The following TGFBRAP1 variants were observed in gnomAD, a reference collection of about 807,000 sequenced individuals.
TGFBRAP1 encodes transforming growth factor-beta receptor-associated protein 1.
TGFBRAP1 carries 20 observed loss-of-function variants against 83.2 expected under a neutral mutation model. That is an observed-to-expected ratio of 0.24 (90% CI 0.17 to 0.35). The LOEUF is 0.35. Among genes scored for constraint, TGFBRAP1 ranks in the 10% least tolerant of loss-of-function variants. TGFBRAP1 has a pLI of 1.00. For synonymous variants in TGFBRAP1, 415 were observed against 459.8 expected, an observed-to-expected ratio of 0.90 and a Z score of 1.25; for missense variants, 950 against 1,099.4, an observed-to-expected ratio of 0.86 and a Z score of 1.92.
At chr2:105,286,049 T>C (rs1025718344) in intron 4 of TGFBRAP1, among the ~76,000 whole-genome samples, 2 of 152,168 alleles carry the variant, frequency 1.3e-5, no homozygotes, top group Non-Finnish European at 2.9e-5. Context: ...CCAGGCTTGT[T>C]GAGGAGAAAT....
rs140062443 is a variant in TGFBRAP1, at chr2:105,293,766, TC to T, written c.1038+2589del. On this transcript the variant is annotated intron_variant, in intron 4 of 11. Coordinates refer to ENST00000393359, the MANE Select transcript of TGFBRAP1 (RefSeq NM_004257.6). ...AACCCCGTGCTGCCAATCCATTATATCACAGCTCTGCTGGAAGGCCAGTTGG... is the reference window on the plus strand; with the variant it reads ...AACCCCGTGCTGCCAATCCATTATATACAGCTCTGCTGGAAGGCCAGTTGG... Among the ~76,000 whole-genome samples the T allele has an allele frequency of 3.1e-4, 47 of 152,336 alleles. 2 individuals carry two copies. In the East Asian group the frequency reaches 8.7e-3, roughly 28 times the overall value.
intron 1 of TGFBRAP1, 25 bp from the exon 2 acceptor site, chr2:105,308,343 T>C: frequency 6.4e-7 from 1 of 1,554,790 alleles, no homozygotes; most frequent in Non-Finnish European, 8.7e-7. Flanking sequence ...GGAAAACTAA[T>C]TTTAGAGGAA....
chr2:105,253,263 G>A, the TGFBRAP1 span, among the ~76,000 whole-genome samples: 49 of 152,268 alleles, frequency 3.2e-4, no homozygotes, highest in Non-Finnish European at 6.2e-4. Context: ...CTCCCGAGTA[G>A]GTGGGATTAC....
the TGFBRAP1 span, among the ~76,000 whole-genome samples, chr2:105,255,023 A>G: frequency 6.6e-6 from 1 of 152,286 alleles, no homozygotes; most frequent in South Asian, 2.1e-4. Flanking sequence ...AGTCTGTGGT[A>G]TTTTGTTACA....
At chr2:105,280,352 C>T (rs1313636956) in intron 6 of TGFBRAP1, 30 bp downstream of exon 6, 1 of 1,594,658 alleles carries the variant, frequency 6.3e-7, no homozygotes, top group Non-Finnish European at 8.6e-7. Context: ...GGGCGGGAAG[C>T]CCTGATCATA....
chr2:105,318,814 C>T (rs1678967026), intron 1 of TGFBRAP1, among the ~76,000 whole-genome samples: 1 of 152,150 alleles, frequency 6.6e-6, no homozygotes, highest in Admixed American at 6.5e-5. Context: ...GAACACCCTG[C>T]CCCATGGGCG....
In TGFBRAP1 at chr2:105,280,412, T is replaced by A. The variant is rs749732544; in HGVS notation, c.1433A>T (p.Asp478Val). 1 of 1,614,054 alleles carries A rather than the reference T, an allele frequency of 6.2e-7. No homozygotes were observed. Among genetic ancestry groups the A allele is most frequent in the Non-Finnish European group, 8.5e-7 (1 of 1,179,996 alleles). ...GTGCTTCTCTAGCCAGGCAGCACTG[T>A]CCGTCAGAAGACAGAAGTTCTCAGT... ...LVTENFCLLTDSAAWLEKHKK... is the reference protein window; with the variant it reads ...LVTENFCLLTVSAAWLEKHKK... Residue 478 changes from aspartate to valine, a missense_variant, in exon 6 of 12, where the codon GAC (aspartate) becomes GTC (valine). Asp to Val is a radical substitution (Grantham distance 152). Coordinates refer to ENST00000393359, the MANE Select transcript of TGFBRAP1 (RefSeq NM_004257.6).
chr2:105,301,567 A>G (rs1262075924), intron 2 of TGFBRAP1, among the ~76,000 whole-genome samples: 2 of 152,146 alleles, frequency 1.3e-5, no homozygotes, highest in East Asian at 3.8e-4. Flanking sequence ...AGCTTGGGCA[A>G]CAGAGCTAGA....
intron 2 of TGFBRAP1, among the ~76,000 whole-genome samples, chr2:105,301,804 T>C (rs1218963582): frequency 6.6e-6 from 1 of 152,078 alleles, no homozygotes; most frequent in Non-Finnish European, 1.5e-5. Flanking sequence ...ACAGGCACAA[T>C]TACAGAGCAA....
Position 105,294,576 on chromosome 2 carries a change from A to C in TGFBRAP1, c.1038+1780T>G, listed in dbSNP as rs1482214004. Among the ~76,000 whole-genome samples, 4 of 152,238 alleles carry C rather than the reference A, an allele frequency of 2.6e-5. No homozygotes were observed. The East Asian group carries it at 7.7e-4, about 29-fold the overall frequency. ...CCAGCAGTAACAGTGGGAACTGAGA[A>C]TAATGGGTGAACTCGAGATAATTCT... is the stretch of plus-strand genomic sequence containing the variant. On this transcript the variant is annotated intron_variant, in intron 4 of 11. Coordinates refer to ENST00000393359, the MANE Select transcript of TGFBRAP1 (RefSeq NM_004257.6).
chr2:105,252,045 C>T, the TGFBRAP1 span, among the ~76,000 whole-genome samples: 2 of 150,596 alleles, frequency 1.3e-5, no homozygotes, highest in Admixed American at 6.6e-5. Flanking sequence ...AAACCAGAGA[C>T]CTTTGTTCAC....
At chr2:105,275,513 T>C in intron 8 of TGFBRAP1, 47 bp downstream of exon 8, 2 of 1,606,156 alleles carry the variant, frequency 1.2e-6, no homozygotes, top group Non-Finnish European at 1.7e-6. Context: ...GGTCTGTTTT[T>C]ACCACCTCCC....
At chr2:105,284,617 A>G (rs1268718324) in intron 4 of TGFBRAP1, among the ~76,000 whole-genome samples, 3 of 152,156 alleles carry the variant, frequency 2.0e-5, no homozygotes, top group African/African-American at 7.2e-5. Context: ...TTGATCTCCA[A>G]TACTCCTCCT....
At chr2:105,259,524 G>T (rs1366408287), downstream of TGFBRAP1, among the ~76,000 whole-genome samples, 1 of 152,156 alleles carries the variant, frequency 6.6e-6, no homozygotes, top group African/African-American at 2.4e-5. Context: ...CCAAGAAGGG[G>T]CATGACTAGA....
At chr2:105,251,293 C>T in the TGFBRAP1 span, among the ~76,000 whole-genome samples, 46 of 146,332 alleles carry the variant, frequency 3.1e-4, 1 homozygote, top group Admixed American at 3.1e-3. Flanking sequence ...AGGAGCCTCT[C>T]TGCCTGGCTG....
chr2:105,254,599 A>T, the TGFBRAP1 span, among the ~76,000 whole-genome samples: 1 of 151,946 alleles, frequency 6.6e-6, no homozygotes, highest in East Asian at 1.9e-4. Flanking sequence ...AGTCACCTAG[A>T]CTCAAGAAAC....
intron 6 of TGFBRAP1, 42 bp downstream of exon 6, chr2:105,280,340 C>T (rs2104335076): frequency 6.3e-7 from 1 of 1,580,784 alleles, no homozygotes; most frequent in East Asian, 2.2e-5. Context: ...AGTAAGGGTG[C>T]AGGGCGGGAA....
intron 1 of TGFBRAP1, among the ~76,000 whole-genome samples, chr2:105,321,916 A>G (rs1405310153): frequency 1.3e-5 from 2 of 152,202 alleles, no homozygotes; most frequent in Non-Finnish European, 2.9e-5. Context: ...TATTTACTCC[A>G]CTACACTTTT....
At chr2:105,317,379 G>C (rs779868083) in intron 1 of TGFBRAP1, among the ~76,000 whole-genome samples, 21 of 151,634 alleles carry the variant, frequency 1.4e-4, no homozygotes, top group Non-Finnish European at 2.5e-4. Flanking sequence ...GGAGATTGCA[G>C]TGAGCCAAGA....
Sources: allele counts gnomAD v4.1 joint callset (sites outside exome capture counted in the v4.1 genomes callset), GRCh38; gene constraint gnomAD v4.1.1; transcripts MANE v1.5; gene names NCBI Gene and HGNC (gene_info 2026-07-23, HGNC 2026-07-21).